The following UVSSA variants were observed in gnomAD, a reference collection of about 807,000 sequenced individuals.
The protein encoded by UVSSA is UV-stimulated scaffold protein A.
A neutral mutation model predicts 73.9 loss-of-function variants in UVSSA; 72 were observed. That is an observed-to-expected ratio of 0.97 (90% confidence interval 0.81 to 1.19). The LOEUF (loss-of-function observed/expected upper bound fraction) is 1.19. Among genes scored for constraint, UVSSA ranks in the 50% most tolerant of loss-of-function variants. The pLI, the probability that UVSSA is intolerant of heterozygous loss-of-function variation, is 0.00. For missense variants in UVSSA, 1,150 were observed against 965.0 expected, an observed-to-expected ratio of 1.19 and a Z score of -2.54; for synonymous variants, 454 against 391.3, an observed-to-expected ratio of 1.16 and a Z score of -1.89.
intron 7 of UVSSA, among the ~76,000 whole-genome samples, chr4:1,355,875 C>T (rs542877785): frequency 1.6e-4 from 25 of 152,164 alleles, no homozygotes; most frequent in South Asian, 8.3e-4. Context: ...GTGTCGGAGC[C>T]GTTCGAGGGT....
exon 14 of UVSSA, chr4:1,393,129 T>C (rs1560500061): frequency 6.6e-6 from 1 of 152,148 alleles, no homozygotes; most frequent in Non-Finnish European, 1.5e-5. Flanking sequence ...ATTCCGGAAT[T>C]TTTTCTTCTT....
intron 7 of UVSSA, among the ~76,000 whole-genome samples, chr4:1,362,794 A>G (rs112718549): frequency 0.036 from 5,535 of 151,816 alleles, 355 homozygotes; most frequent in African/African-American, 0.13. Context: ...GCGGGGCCTC[A>G]CCCTCCCTTT....
chr4:1,363,390 G>A (rs1330424016), intron 7 of UVSSA, among the ~76,000 whole-genome samples: 1 of 151,998 alleles, frequency 6.6e-6, no homozygotes, highest in African/African-American at 2.4e-5. Context: ...TACCTGAGCA[G>A]TTGAATATTT....
At chr4:1,383,483 C>T (rs1452123417) in intron 12 of UVSSA, among the ~76,000 whole-genome samples, 1 of 152,198 alleles carries the variant, frequency 6.6e-6, no homozygotes, top group Non-Finnish European at 1.5e-5. Flanking sequence ...CCCTGCTCCC[C>T]ATCTCTGGGC....
At position 1,349,620 on chromosome 4, in the gene UVSSA, G is replaced by C; in HGVS notation, c.195G>C (p.Val65=). ...TCCGTCTCTCAGCCTTCCAGATTGT[G>C]GAGGAACTCTTCGTCAGGTCTCACC... The part of the protein sequence containing the change: ...AEIRLSAFQI[V]EELFVRSHQF... Residue 65 remains valine, a synonymous_variant, in exon 3 of 14, where the codon GTG becomes GTC. Coordinates refer to ENST00000389851, the MANE Select transcript of UVSSA (RefSeq NM_020894.4). 2.5e-6 allele frequency: 4 copies of C among 1,614,086 alleles called. No homozygotes were observed. The highest frequency in any genetic ancestry group is 3.4e-6 in the Non-Finnish European group (4 of 1,180,022).
At chr4:1,361,029 T>A (rs1329158953) in intron 7 of UVSSA, among the ~76,000 whole-genome samples, 3 of 152,146 alleles carry the variant, frequency 2.0e-5, no homozygotes, top group Non-Finnish European at 4.4e-5. Context: ...GCTCCATCCA[T>A]CTGGAGAGCA....
At chr4:1,352,894 G>C (rs28711287) in intron 4 of UVSSA, 136 bp from the exon 5 acceptor site, 163,960 of 1,228,678 alleles carry the variant, frequency 0.13, 12,084 homozygotes, top group African/African-American at 0.24. Context: ...GGGGTGAGCT[G>C]TGATTGCACC....
chr4:1,366,406 C>G lies in UVSSA; in HGVS notation c.1263C>G (p.Ile421Met), dbSNP rs184668136. The change falls in exon 8 of 14, where the codon ATC (isoleucine) becomes ATG (methionine). Residue 421 changes from isoleucine (I) to methionine (M), a missense_variant. Physicochemically the swap from Ile to Met is conservative, Grantham distance 10. Coordinates refer to ENST00000389851, the MANE Select transcript of UVSSA (RefSeq NM_020894.4). ...VPEKEGYEPH[I>M]PDHLRPEYGL... ...AGAAGGAGGGGTATGAGCCACACAT[C>G]CCCGACCACTTGCGGCCTGAGTATG... The G allele has an allele frequency of 1.2e-6, 2 of 1,612,714 alleles. No homozygotes were observed. Among genetic ancestry groups the G allele is most frequent in the Non-Finnish European group, 1.7e-6 (2 of 1,179,356 alleles).
At chr4:1,384,830 T>G (rs1719907375) in intron 13 of UVSSA, 1 of 152,202 alleles carries the variant, frequency 6.6e-6, no homozygotes, top group Non-Finnish European at 1.5e-5. Flanking sequence ...TGGGCTCGGG[T>G]GGGAGGCGCC....
chr4:1,357,169 A>G (rs1303988611), intron 7 of UVSSA, among the ~76,000 whole-genome samples: 3 of 146,414 alleles, frequency 2.0e-5, no homozygotes, highest in Non-Finnish European at 3.0e-5. Flanking sequence ...GAGGGTCCAT[A>G]GAGCAGAGCG....
chr4:1,371,297 C>G (rs73793385), intron 8 of UVSSA, among the ~76,000 whole-genome samples: 1 of 138,222 alleles, frequency 7.2e-6, no homozygotes, highest in African/African-American at 2.7e-5. Flanking sequence ...TGTGTAAAAT[C>G]GATGACGTGT....
rs377077145 is a variant in UVSSA, at chr4:1,355,292, G to T, written c.1176+47G>T. 17 of 1,547,458 alleles carry T rather than the reference G, an allele frequency of 1.1e-5. No homozygotes were observed. The South Asian group carries it at 1.6e-4, about 15-fold the overall frequency. On this transcript the variant is annotated intron_variant, in intron 7 of 13. Coordinates refer to ENST00000389851, the MANE Select transcript of UVSSA (RefSeq NM_020894.4). ...GGGAAGGGGTCCCAGAGGCCTCAGT[G>T]GGGGAGGAGAAGCTGTGGGGGGGTT...
Position 1,380,898 on chromosome 4 carries a change from A to T in UVSSA, c.1771A>T (p.Ile591Phe). The change falls in exon 12 of 14, where the codon ATT becomes TTT. Residue 591 changes from isoleucine (I) to phenylalanine (F), a missense_variant. By Grantham distance (21) the Ile-to-Phe change is conservative. Coordinates refer to ENST00000389851, the MANE Select transcript of UVSSA (RefSeq NM_020894.4). ...TGTGCAGTGCCCTTTCCATGGGAAG[A>T]TTGTTCCACGGGACGACGAAGGACG... ...DRLKCPFHGKIVPRDDEGRPL... is the reference protein window; with the variant it reads ...DRLKCPFHGKFVPRDDEGRPL... 6.2e-7 allele frequency: 1 copy of T among 1,612,966 alleles called. No homozygotes were observed. Among genetic ancestry groups the T allele is most frequent in the Non-Finnish European group, 8.5e-7 (1 of 1,179,912 alleles).
At chr4:1,383,395 A>AC (rs946287916) in intron 12 of UVSSA, among the ~76,000 whole-genome samples, 14 of 151,342 alleles carry the variant, frequency 9.3e-5, no homozygotes, top group Non-Finnish European at 7.4e-5. Flanking sequence ...GGATGGTGCC[A>AC]CCCCCCAACC....
At chr4:1,360,840 G>T (rs954973461) in intron 7 of UVSSA, among the ~76,000 whole-genome samples, 1 of 152,224 alleles carries the variant, frequency 6.6e-6, no homozygotes, top group African/African-American at 2.4e-5. Context: ...CTCCACTGAA[G>T]GGGGCGTTTA....
upstream of UVSSA, among the ~76,000 whole-genome samples, chr4:1,343,486 C>CT (rs1713503841): frequency 6.6e-6 from 1 of 152,206 alleles, no homozygotes; most frequent in Admixed American, 6.5e-5. Context: ...ATATTGAGTC[C>CT]TCAACCCATG....
At chr4:1,374,635 C>T (rs773397302) in intron 8 of UVSSA, among the ~76,000 whole-genome samples, 1 of 152,216 alleles carries the variant, frequency 6.6e-6, no homozygotes, top group Non-Finnish European at 1.5e-5. Context: ...CCCTCTTCGA[C>T]GGGCACTCCG....
In UVSSA at chr4:1,380,979, G is replaced by C; in HGVS notation, c.1852G>C (p.Glu618Gln). ...REQRRQLQKQ[E>Q]RPEWQDPELM... The stretch of plus-strand genomic sequence containing the variant: ...GCAGCGGCGGCAGCTGCAGAAGCAG[G>C]AGCGCCCGGGTAGGTCTGGGCAAGG... Residue 618 changes from glutamate to glutamine, a missense_variant, in exon 12 of 14, where the codon GAG (glutamate) becomes CAG (glutamine). Physicochemically the swap from Glu to Gln is conservative, Grantham distance 29 (BLOSUM62 2). Transcript: ENST00000389851. The C allele has an allele frequency of 6.2e-7, 1 of 1,612,334 alleles. No homozygotes were observed.
At chr4:1,379,348 G>A (rs1719154048) in intron 10 of UVSSA, among the ~76,000 whole-genome samples, 1 of 152,210 alleles carries the variant, frequency 6.6e-6, no homozygotes, top group Admixed American at 6.5e-5. Context: ...GCATCCAGGT[G>A]GGCAGGGGGT....
Sources: allele counts gnomAD v4.1 joint callset (sites outside exome capture counted in the v4.1 genomes callset), GRCh38; gene constraint gnomAD v4.1.1; transcripts MANE v1.5; gene names NCBI Gene and HGNC (gene_info 2026-07-23, HGNC 2026-07-21).